Variants in SORCS1 observed in about 807,000 individuals in gnomAD.
SORCS1 encodes sortilin related VPS10 domain containing receptor 1.
Under a neutral mutation model 146.1 loss-of-function variants are expected in SORCS1, and 60 were observed. That is an observed-to-expected ratio of 0.41 (90% confidence interval 0.33 to 0.51). SORCS1 has a LOEUF of 0.51. Among genes scored for constraint, SORCS1 ranks in the 20% least tolerant of loss-of-function variants. SORCS1 has a pLI of 0.21. For missense variants in SORCS1, 1,352 were observed against 1,487.6 expected (o/e 0.91, Z 1.50); for synonymous variants, 637 against 584.0 (o/e 1.09, Z -1.31).
intron 1 of SORCS1, among the ~76,000 whole-genome samples, chr10:106,999,716 C>T (rs1957139956): frequency 6.6e-6 from 1 of 152,214 alleles, no homozygotes; most frequent in Admixed American, 6.5e-5. Flanking sequence ...AAATCAGGCA[C>T]TAGCCTCCAG....
chr10:106,815,252 C>T (rs535923182), intron 3 of SORCS1, among the ~76,000 whole-genome samples: 4 of 152,152 alleles, frequency 2.6e-5, no homozygotes, highest in Non-Finnish European at 2.9e-5. Flanking sequence ...CCACCTAACC[C>T]GGCCTCTGTC....
intron 19 of SORCS1, among the ~76,000 whole-genome samples, chr10:106,625,240 G>T (rs1237890469): frequency 7.4e-6 from 1 of 135,224 alleles, no homozygotes; most frequent in African/African-American, 3.0e-5. Flanking sequence ...GTGTGTGTGT[G>T]TGTGTGTACA....
At chr10:107,050,861 C>T (rs1960038476) in intron 1 of SORCS1, among the ~76,000 whole-genome samples, 1 of 152,146 alleles carries the variant, frequency 6.6e-6, no homozygotes, top group Non-Finnish European at 1.5e-5. Context: ...GCTCAGGCAT[C>T]ATCCCTCCCT....
rs540850105 is a variant in SORCS1, at chr10:106,954,804, C to T, written c.626+1709G>A. ...ATTTTGAGCCTATAAAAACCCTGCC[C>T]TCAGCCACACGTTGGGACTACCCGC... On this transcript the variant is annotated intron_variant, in intron 2 of 25. Transcript: ENST00000263054. Among the ~76,000 whole-genome samples, 15 of 152,224 alleles carry T rather than the reference C, an allele frequency of 9.9e-5. No individual in the cohort carries two copies. The South Asian group carries it at 2.9e-3, about 29-fold the overall frequency.
intron 9 of SORCS1, among the ~76,000 whole-genome samples, chr10:106,698,838 G>A (rs1215134131): frequency 2.0e-5 from 3 of 152,038 alleles, no homozygotes; most frequent in Admixed American, 6.5e-5. Context: ...TCTTTCTTCT[G>A]AGAGACAAGG....
At chr10:106,793,451 A>G (rs879562702) in intron 3 of SORCS1, among the ~76,000 whole-genome samples, 6 of 152,198 alleles carry the variant, frequency 3.9e-5, no homozygotes, top group Non-Finnish European at 8.8e-5. Context: ...AACAGAACCT[A>G]TTTATTCAGG....
chr10:107,055,156 T>C (rs1960488108), intron 1 of SORCS1, among the ~76,000 whole-genome samples: 1 of 152,162 alleles, frequency 6.6e-6, no homozygotes, highest in African/African-American at 2.4e-5. Flanking sequence ...GGGAGAAGCC[T>C]TGAAGAGCAC....
chr10:106,860,789 A>G (rs1372317369), intron 2 of SORCS1, among the ~76,000 whole-genome samples: 1 of 152,208 alleles, frequency 6.6e-6, no homozygotes, highest in East Asian at 1.9e-4. Context: ...TGCCTTCCAA[A>G]CAACGAACCA....
rs149600873 is a variant in SORCS1, at chr10:106,711,631, G to A, written c.1025-2290C>T. Among the ~76,000 whole-genome samples the A allele has an allele frequency of 3.5e-4, 53 of 152,292 alleles. No homozygotes were observed. The East Asian group carries it at 7.9e-3, about 23-fold the overall frequency. On this transcript the variant is annotated intron_variant, in intron 6 of 25. Coordinates refer to ENST00000263054, the MANE Select transcript of SORCS1 (RefSeq NM_052918.5). ...CTTCCTTCACCCCACTGCCATTTCCGAAGATGGGGATAGCTCTCAAGTGCT... is the reference window on the plus strand; with the variant it reads ...CTTCCTTCACCCCACTGCCATTTCCAAAGATGGGGATAGCTCTCAAGTGCT...
In SORCS1 at chr10:107,005,559, C is replaced by CT. The variant is rs61456763; in HGVS notation, c.559-48980dup. Among the ~76,000 whole-genome samples, 843 of 152,080 alleles carry CT rather than the reference C, an allele frequency of 5.5e-3. 12 individuals carry two copies. Among genetic ancestry groups the CT allele is most frequent in the African/African-American group, 0.019 (805 of 41,480 alleles). On this transcript the variant is annotated intron_variant, in intron 1 of 25. Coordinates refer to ENST00000263054, the MANE Select transcript of SORCS1 (RefSeq NM_052918.5). ...CATTATGTTCTAAAAGTTGTATTCC[C>CT]TTTTTTCCATATGAATACCTACATA...
chr10:106,728,175 G>A (rs1397038444), intron 6 of SORCS1, among the ~76,000 whole-genome samples: 2 of 152,098 alleles, frequency 1.3e-5, no homozygotes, highest in Non-Finnish European at 2.9e-5. Context: ...GGGACAACAG[G>A]CACGCACCAC....
At chr10:107,133,208 G>T (rs1048106104) in intron 1 of SORCS1, among the ~76,000 whole-genome samples, 1 of 152,154 alleles carries the variant, frequency 6.6e-6, no homozygotes, top group Admixed American at 6.5e-5. Context: ...GAGAAGGTGA[G>T]GGGAGGAACT....
rs528778197 is a variant in SORCS1, at chr10:106,992,579, C to T, written c.559-35999G>A. 8.6e-5 allele frequency among the ~76,000 whole-genome samples: 13 copies of T among 151,996 alleles called. No homozygotes were observed. The South Asian group carries it at 2.7e-3, about 32-fold the overall frequency. On this transcript the variant is annotated intron_variant, in intron 1 of 25. Transcript: ENST00000263054. ...GCACAATCACAGCTCACTGCAGCCT[C>T]GAATTTCTGGGCTCCAGTGCTCCTC...
At chr10:106,581,725 T>C (rs570488294) in intron 24 of SORCS1, among the ~76,000 whole-genome samples, 6 of 152,278 alleles carry the variant, frequency 3.9e-5, no homozygotes, top group African/African-American at 1.4e-4. Flanking sequence ...TATTTTGAAA[T>C]AAATCTTGGA....
chr10:106,709,594 A>G (rs557701302), intron 6 of SORCS1, among the ~76,000 whole-genome samples: 38 of 152,082 alleles, frequency 2.5e-4, no homozygotes, highest in Admixed American at 7.9e-4. Context: ...GACTACAGGC[A>G]TCCACCACAA....
intron 18 of SORCS1, among the ~76,000 whole-genome samples, chr10:106,642,405 A>AG (rs1480042964): frequency 6.6e-6 from 1 of 152,226 alleles, no homozygotes; most frequent in Non-Finnish European, 1.5e-5. Context: ...TACAGGCATC[A>AG]GAAGCATGAT....
intron 1 of SORCS1, among the ~76,000 whole-genome samples, chr10:107,114,808 T>A (rs890667963): frequency 3.9e-5 from 6 of 152,090 alleles, no homozygotes; most frequent in African/African-American, 1.4e-4. Context: ...AATGAAAAAG[T>A]TAAATTGTAT....
At chr10:107,122,511 C>A (rs1252684153) in intron 1 of SORCS1, among the ~76,000 whole-genome samples, 3 of 152,118 alleles carry the variant, frequency 2.0e-5, no homozygotes, top group Admixed American at 6.5e-5. Flanking sequence ...GTGCTTTTAT[C>A]TGAAGAAGGA....
chr10:106,989,670 G>GTTTT lies in SORCS1; in HGVS notation c.559-33094_559-33091dup, dbSNP rs1335278625. 4.3e-4 allele frequency among the ~76,000 whole-genome samples: 50 copies of GTTTT among 116,432 alleles called. 2 individuals are homozygous for GTTTT. Among genetic ancestry groups the GTTTT allele is most frequent in the African/African-American group, 2.1e-3 (46 of 22,206 alleles). The allele number at this position is 116,432 out of a possible 152,430, so 76.4% of individuals were successfully genotyped here. On this transcript the variant is annotated intron_variant, in intron 1 of 25. Coordinates refer to ENST00000263054, the MANE Select transcript of SORCS1 (RefSeq NM_052918.5). ...CTCTTTATATACTCATATTTTTTCT[G>GTTTT]TTTTTTTTTGTTTTTTTTTTTTTTT...
Sources: gnomAD v4.1 joint callset for allele counts (sites outside exome capture counted in the v4.1 genomes callset) on GRCh38, gnomAD v4.1.1 for gene constraint, MANE v1.5 for transcripts, NCBI Gene and HGNC (gene_info 2026-07-23, HGNC 2026-07-21) for gene names.